SPATA46: variants seen among roughly 807,000 people sequenced by gnomAD.
SPATA46 encodes the protein spermatogenesis associated 46, also known as spermatogenesis-associated protein 46.
In SPATA46, 3 loss-of-function variants were observed where a neutral mutation model predicts 6.2. The ratio of observed to expected loss-of-function variants is 0.48; its 90% CI spans 0.22 to 1.25. SPATA46 has a LOEUF of 1.25. Ranked by LOEUF, SPATA46 falls within the 50% of genes most tolerant of loss-of-function variation. SPATA46 has a pLI of 0.20. For missense variants in SPATA46, 308 were observed against 323.5 expected (o/e 0.95, Z 0.37); for synonymous variants, 117 against 123.3 (o/e 0.95, Z 0.34).
Position 162,374,060 on chromosome 1 carries a change from G to A in SPATA46, c.774C>T (p.Tyr258=). The A allele has an allele frequency of 6.2e-7, 1 of 1,606,178 alleles. No homozygotes were observed. Among genetic ancestry groups the A allele is most frequent in the Non-Finnish European group, 8.5e-7 (1 of 1,175,944 alleles). ...EHLRQIGGEA[Y]LCL ...TATTGGCATCTCTCTAGAGACATAA[G>A]TAGGCTTCACCGCCAATTTGCCTAA... The change falls in exon 3 of 3, where the codon TAC becomes TAT. Residue 258 remains tyrosine (Y), a synonymous_variant. Coordinates refer to ENST00000367935, the MANE Select transcript of SPATA46 (RefSeq NM_182581.4).
rs1325288808 is a variant in SPATA46, at chr1:162,374,167, A to G, written c.667T>C (p.Trp223Arg). Residue 223 changes from tryptophan (W) to arginine (R), a missense_variant, in exon 3 of 3, where the codon TGG (tryptophan) becomes CGG (arginine). Coordinates refer to ENST00000367935, the MANE Select transcript of SPATA46 (RefSeq NM_182581.4). ...KVYYRKLKAL[W>R]SKEQKARLGD... Reference sequence around the variant, plus strand: ...AGCCGGGCCTTCTGCTCCTTGCTCCAGAGGGCTTTGAGCTTGCGGTAGTAC... The same window carrying G: ...AGCCGGGCCTTCTGCTCCTTGCTCCGGAGGGCTTTGAGCTTGCGGTAGTAC... 1 of 1,614,258 alleles carries G rather than the reference A, an allele frequency of 6.2e-7. No homozygotes were observed. Among genetic ancestry groups the G allele is most frequent in the South Asian group, 1.1e-5 (1 of 91,080 alleles).
rs200572228 is a variant in SPATA46 at position 162,376,739 on chromosome 1, C to T, written c.52G>A (p.Ala18Thr). 1.4e-4 allele frequency: 222 copies of T among 1,613,910 alleles called. 1 individual carries two copies. Among genetic ancestry groups the T allele is most frequent in the Middle Eastern group, 4.9e-4 (3 of 6,082 alleles). ...ATAATGTCGGGAAAAGCACTCAGGG[C>T]GGAGGAAGAGATTGGAGGTCCAGAG... ...SISGPPISSS[A>T]LSAFPDIMFS... The change falls in exon 1 of 3, where the codon GCC becomes ACC. Residue 18 changes from alanine (A) to threonine (T), a missense_variant. Transcript: ENST00000367935.
rs1571256683 is a variant in SPATA46 at position 162,373,628 on chromosome 1, C to T, written c.*420G>A. 6.3e-6 allele frequency: 1 copy of T among 158,842 alleles called. No homozygotes were observed. The highest frequency in any genetic ancestry group is 6.4e-5 in the Admixed American group (1 of 15,552). The allele number at this position is 158,842 out of a possible 1,614,324, so 9.8% of individuals were successfully genotyped here. Reference sequence around the variant, plus strand: ...GCAAATAGGAAAGGGCATCCAGCCCCTTCTTCCCAGGGTGGGGCAAGGACT... The same window carrying T: ...GCAAATAGGAAAGGGCATCCAGCCCTTTCTTCCCAGGGTGGGGCAAGGACT... On this transcript the variant is annotated 3_prime_UTR_variant, in exon 3 of 3. Coordinates refer to ENST00000367935, the MANE Select transcript of SPATA46 (RefSeq NM_182581.4).
rs1472515695 is a variant in SPATA46, at chr1:162,373,643, G to A, written c.*405C>T. The A allele has an allele frequency of 6.2e-6, 1 of 161,194 alleles. No individual in the cohort carries two copies. Among genetic ancestry groups the A allele is most frequent in the African/African-American group, 2.4e-5 (1 of 41,770 alleles). 10.0% of individuals were successfully genotyped at this position (161,194 alleles called of 1,614,324 possible). ...CATCCAGCCCCTTCTTCCCAGGGTGGGGCAAGGACTGACCACATAGGGACC... is the reference window on the plus strand; with the variant it reads ...CATCCAGCCCCTTCTTCCCAGGGTGAGGCAAGGACTGACCACATAGGGACC... On this transcript the variant is annotated 3_prime_UTR_variant, in exon 3 of 3. Coordinates refer to ENST00000367935, the MANE Select transcript of SPATA46 (RefSeq NM_182581.4).
chr1:162,376,504 CA>C, intron 1 of SPATA46, 183 bp downstream of exon 1: 3 of 605,440 alleles, frequency 5.0e-6, no homozygotes, highest in African/African-American at 1.9e-5. Context: ...CTTCCCTTAC[CA>C]AAAATCAATA....
chr1:162,374,038 T>G lies in SPATA46; in HGVS notation c.*10A>C. 1 of 1,577,582 alleles carries G rather than the reference T, an allele frequency of 6.3e-7. No homozygotes were observed. ...GACAGAAGGCTGTGACTAACTTTATTGGCATCTCTCTAGAGACATAAGTAG... is the reference window on the plus strand; with the variant it reads ...GACAGAAGGCTGTGACTAACTTTATGGGCATCTCTCTAGAGACATAAGTAG... On this transcript the variant is annotated 3_prime_UTR_variant, in exon 3 of 3. Transcript: ENST00000367935.
At chr1:162,376,665 G>T (rs1202825935) in intron 1 of SPATA46, 23 bp downstream of exon 1, 1 of 1,596,604 alleles carries the variant, frequency 6.3e-7, no homozygotes, top group South Asian at 1.1e-5. Context: ...CATCTTTGTG[G>T]CCCTAGTGGC....
intron 1 of SPATA46, among the ~76,000 whole-genome samples, chr1:162,376,029 G>T (rs1467374260): frequency 6.6e-6 from 1 of 152,180 alleles, no homozygotes; most frequent in Non-Finnish European, 1.5e-5. Flanking sequence ...TGTGCATAGA[G>T]ATCCCCTAGG....
Position 162,374,233 on chromosome 1 carries a change from G to A in SPATA46, c.601C>T (p.His201Tyr). The A allele has an allele frequency of 6.2e-7, 1 of 1,613,884 alleles. No homozygotes were observed. Among genetic ancestry groups the A allele is most frequent in the Non-Finnish European group, 8.5e-7 (1 of 1,179,804 alleles). Residue 201 changes from histidine (H) to tyrosine (Y), a missense_variant, in exon 3 of 3, where the codon CAC becomes TAC. Physicochemically the swap from His to Tyr is moderately conservative, Grantham distance 83. Transcript: ENST00000367935. Reference protein sequence around the residue: ...MYPTLDFLKSHIKRGFREGFS... With the variant: ...MYPTLDFLKSYIKRGFREGFS... ...CCCTCCCTGAAGCCCCTCTTGATGT[G>A]GCTCTTGAGGAAGTCCAGGGTGGGG...
Position 162,376,846 on chromosome 1 carries a change from G to C in SPATA46, c.-56C>G, listed in dbSNP as rs144967838. The C allele has an allele frequency of 9.5e-5, 151 of 1,589,916 alleles. No individual in the cohort carries two copies. In the African/African-American group the frequency reaches 1.7e-3, roughly 18 times the overall value. Reference sequence around the variant, plus strand: ...CACGCCTGCTCTGGAGAGGCTGGCTGGTTTGTCCAGAGGATAAACATTCTG... The same window carrying C: ...CACGCCTGCTCTGGAGAGGCTGGCTCGTTTGTCCAGAGGATAAACATTCTG... On this transcript the variant is annotated 5_prime_UTR_variant, in exon 1 of 3. Coordinates refer to ENST00000367935, the MANE Select transcript of SPATA46 (RefSeq NM_182581.4).
At chr1:162,375,255 C>G (rs369251937) in intron 2 of SPATA46, 35 bp downstream of exon 2, 1 of 1,557,202 alleles carries the variant, frequency 6.4e-7, no homozygotes, top group Non-Finnish European at 8.9e-7. Flanking sequence ...CTTAGCCTCT[C>G]ACACATTCCC....
At chr1:162,376,205 A>G (rs1414947450) in intron 1 of SPATA46, among the ~76,000 whole-genome samples, 1 of 152,184 alleles carries the variant, frequency 6.6e-6, no homozygotes, top group Non-Finnish European at 1.5e-5. Flanking sequence ...TGTGCTCATC[A>G]GTTTACGCTG....
chr1:162,374,199 C>A lies in SPATA46; in HGVS notation c.635G>T (p.Cys212Phe), dbSNP rs369678220. 4.3e-6 allele frequency: 7 copies of A among 1,614,106 alleles called. No individual in the cohort carries two copies. The Admixed American group carries it at 6.7e-5, about 15-fold the overall frequency. The change falls in exon 3 of 3, where the codon TGC becomes TTC. Residue 212 changes from cysteine to phenylalanine, a missense_variant. By Grantham distance (205) the Cys-to-Phe change is radical. Coordinates refer to ENST00000367935, the MANE Select transcript of SPATA46 (RefSeq NM_182581.4). Reference sequence around the variant, plus strand: ...TTTGAGCTTGCGGTAGTACACCTTGCAGCTGAAGCCCTCCCTGAAGCCCCT... The same window carrying A: ...TTTGAGCTTGCGGTAGTACACCTTGAAGCTGAAGCCCTCCCTGAAGCCCCT... ...IKRGFREGFS[C>F]KVYYRKLKAL...
chr1:162,373,939 G>T lies in SPATA46; in HGVS notation c.*109C>A. ...GAGGGTGTGTGCCTGGTGTTGCTAGGCAACCATTAGCCAAAGGTGATGAGA... is the reference window on the plus strand; with the variant it reads ...GAGGGTGTGTGCCTGGTGTTGCTAGTCAACCATTAGCCAAAGGTGATGAGA... On this transcript the variant is annotated 3_prime_UTR_variant, in exon 3 of 3. Transcript: ENST00000367935. The T allele has an allele frequency of 9.0e-7, 1 of 1,114,188 alleles. No homozygotes were observed. The highest frequency in any genetic ancestry group is 1.3e-6 in the Non-Finnish European group (1 of 779,060). 69.0% of individuals were successfully genotyped at this position (1,114,188 alleles called of 1,614,324 possible). A position where few individuals can be genotyped will look rare whatever the true frequency, so the allele number is the denominator to read the frequency against.
intron 1 of SPATA46, among the ~76,000 whole-genome samples, chr1:162,375,649 C>G (rs1647633483): frequency 6.6e-6 from 1 of 152,164 alleles, no homozygotes. Flanking sequence ...TGATGTAGCC[C>G]AGATGACACC....
intron 1 of SPATA46, among the ~76,000 whole-genome samples, chr1:162,375,891 G>T (rs370257461): frequency 4.6e-5 from 7 of 152,202 alleles, no homozygotes; most frequent in African/African-American, 1.7e-4. Context: ...TGGACAAAAA[G>T]CTGACCTGCC....
chr1:162,374,755 G>T lies in SPATA46; in HGVS notation c.218-139C>A. Reference sequence around the variant, plus strand: ...CACCACGATTGCAGTTCTGAGAGCAGACGCAAGACAGTGGTAAGAGCAGCC... The same window carrying T: ...CACCACGATTGCAGTTCTGAGAGCATACGCAAGACAGTGGTAAGAGCAGCC... On this transcript the variant is annotated intron_variant, in intron 2 of 2. Coordinates refer to ENST00000367935, the MANE Select transcript of SPATA46 (RefSeq NM_182581.4). The T allele has an allele frequency of 3.6e-6, 3 of 841,156 alleles. No homozygotes were observed. In the East Asian group the frequency reaches 7.9e-5, roughly 22 times the overall value. 52.1% of individuals were successfully genotyped at this position (841,156 alleles called of 1,614,324 possible).
intron 1 of SPATA46, among the ~76,000 whole-genome samples, chr1:162,375,819 A>T (rs1314682560): frequency 6.6e-6 from 1 of 152,156 alleles, no homozygotes; most frequent in Non-Finnish European, 1.5e-5. Flanking sequence ...GAAACATCTC[A>T]TACCCACAGT....
rs1647519904 is a variant in SPATA46, at chr1:162,373,926, C to T, written c.*122G>A. On this transcript the variant is annotated 3_prime_UTR_variant, in exon 3 of 3. Coordinates refer to ENST00000367935, the MANE Select transcript of SPATA46 (RefSeq NM_182581.4). ...AAGAGAGAAAGGGGAGGGTGTGTGCCTGGTGTTGCTAGGCAACCATTAGCC... is the reference window on the plus strand; with the variant it reads ...AAGAGAGAAAGGGGAGGGTGTGTGCTTGGTGTTGCTAGGCAACCATTAGCC... 4.3e-6 allele frequency: 4 copies of T among 926,122 alleles called. No homozygotes were observed. Among genetic ancestry groups the T allele is most frequent in the Non-Finnish European group, 6.6e-6 (4 of 608,150 alleles). The allele number at this position is 926,122 out of a possible 1,614,324, so 57.4% of individuals were successfully genotyped here. A position where few individuals can be genotyped will look rare whatever the true frequency, so the allele number is the denominator to read the frequency against.
Sources: allele counts gnomAD v4.1 joint callset (sites outside exome capture counted in the v4.1 genomes callset), GRCh38; gene constraint gnomAD v4.1.1; transcripts MANE v1.5; gene names NCBI Gene and HGNC (gene_info 2026-07-23, HGNC 2026-07-21).